The following GNG7 variants were observed in gnomAD, a reference collection of about 807,000 sequenced individuals.
GNG7 encodes G protein subunit gamma 7.
GNG7 carries 1 observed loss-of-function variant against 4.0 expected under a neutral mutation model. The observed-to-expected ratio is 0.25, with a 90% CI of 0.09 to 1.18. The LOEUF (loss-of-function observed/expected upper bound fraction) is 1.18, where lower values mean the gene tolerates loss of function less well. Among genes scored for constraint, GNG7 ranks in the 50% most tolerant of loss-of-function variants. The pLI is 0.50. For synonymous variants in GNG7, 34 were observed against 36.9 expected (o/e 0.92, Z 0.29); for missense variants, 86 against 91.9 (o/e 0.94, Z 0.26).
chr19:2,568,719 CACATACAGACACATAT>C (rs1404563735), intron 2 of GNG7, among the ~76,000 whole-genome samples: 1 of 133,472 alleles, frequency 7.5e-6, no homozygotes, highest in African/African-American at 2.5e-5. Flanking sequence ...CACACATATA[CACATACAGACACATAT>C]ACATACATAC....
chr19:2,675,302 G>A (rs1983566734), intron 1 of GNG7, among the ~76,000 whole-genome samples: 1 of 152,200 alleles, frequency 6.6e-6, no homozygotes, highest in African/African-American at 2.4e-5. Flanking sequence ...AGGAACAGCA[G>A]CAAGTGCACG....
intron 1 of GNG7, among the ~76,000 whole-genome samples, chr19:2,686,463 C>CA (rs1202154852): frequency 6.6e-6 from 1 of 151,626 alleles, no homozygotes; most frequent in African/African-American, 2.4e-5. Context: ...CGGCCTCCCC[C>CA]CTCCTTTTTA....
chr19:2,556,515 G>A (rs888026676), intron 2 of GNG7, among the ~76,000 whole-genome samples: 3 of 152,084 alleles, frequency 2.0e-5, no homozygotes, highest in Non-Finnish European at 2.9e-5. Flanking sequence ...TTTTTCCACC[G>A]ACACAAAGAA....
intron 2 of GNG7, among the ~76,000 whole-genome samples, chr19:2,590,929 C>T (rs1980834938): frequency 6.6e-6 from 1 of 152,118 alleles, no homozygotes; most frequent in Non-Finnish European, 1.5e-5. Context: ...ATCCAACCAT[C>T]CATTTACTCA....
chr19:2,576,022 GACAC>G lies in GNG7; in HGVS notation c.-77-20838_-77-20835del, dbSNP rs1191370746. On this transcript the variant is annotated intron_variant, in intron 2 of 4. Coordinates refer to ENST00000382159, the MANE Select transcript of GNG7 (RefSeq NM_052847.3). The stretch of plus-strand genomic sequence containing the variant: ...ACACTCAGGTACACGCAGACATGCA[GACAC>G]ACACACAGACACACACAGACACATG... 6.7e-5 allele frequency among the ~76,000 whole-genome samples: 5 copies of G among 74,998 alleles called. No homozygotes were observed. In the South Asian group the frequency reaches 9.2e-4, roughly 14 times the overall value. 49.2% of individuals were successfully genotyped at this position (74,998 alleles called of 152,430 possible).
intron 1 of GNG7, among the ~76,000 whole-genome samples, chr19:2,652,028 A>T (rs918059622): frequency 1.3e-5 from 2 of 151,672 alleles, no homozygotes; most frequent in African/African-American, 4.8e-5. Context: ...TACAAAAATT[A>T]GCCAGGTCTG....
At chr19:2,643,213 T>C (rs1185053844) in intron 2 of GNG7, 4 of 429,390 alleles carry the variant, frequency 9.3e-6, no homozygotes, top group Non-Finnish European at 1.8e-5. Flanking sequence ...CTTCCGGCCT[T>C]GCACTGTCCG....
At chr19:2,691,322 T>C (rs904743710) in intron 1 of GNG7, among the ~76,000 whole-genome samples, 1 of 152,104 alleles carries the variant, frequency 6.6e-6, no homozygotes, top group Non-Finnish European at 1.5e-5. Flanking sequence ...GACCAGAGGA[T>C]TGCTTGAGCT....
rs536345388 is a variant in GNG7, at chr19:2,575,685, G to C, written c.-77-20497C>G. Among the ~76,000 whole-genome samples, 249 of 91,728 alleles carry C rather than the reference G, an allele frequency of 2.7e-3. 2 individuals are homozygous for C. The highest frequency in any genetic ancestry group is 0.011 in the African/African-American group (244 of 21,660). 60.2% of individuals were successfully genotyped at this position (91,728 alleles called of 152,430 possible). A position where few individuals can be genotyped will look rare whatever the true frequency, so the allele number is the denominator to read the frequency against. Reference sequence around the variant, plus strand: ...CACGCAGGCACATGCAGACACGCAGGCACACGCAGACACACGCAGACAGGC... The same window carrying C: ...CACGCAGGCACATGCAGACACGCAGCCACACGCAGACACACGCAGACAGGC... On this transcript the variant is annotated intron_variant, in intron 2 of 4. Transcript: ENST00000382159.
intron 1 of GNG7, among the ~76,000 whole-genome samples, chr19:2,651,265 C>T (rs1303274410): frequency 7.8e-6 from 1 of 128,364 alleles, no homozygotes; most frequent in African/African-American, 3.1e-5. Context: ...TCCTTCCTTC[C>T]TTCCTTCCCT....
chr19:2,557,244 T>C lies in GNG7; in HGVS notation c.-77-2056A>G, dbSNP rs1386416330. On this transcript the variant is annotated intron_variant, in intron 2 of 4. Transcript: ENST00000382159. The surrounding 1 kb of genome is among the most constrained non-coding windows in gnomAD (Gnocchi z 5.1). ...ACACATGCACACACAGACGCACATGTGCACACACACGTGCACACACATTTG... is the reference window on the plus strand; with the variant it reads ...ACACATGCACACACAGACGCACATGCGCACACACACGTGCACACACATTTG... 1.3e-5 allele frequency among the ~76,000 whole-genome samples: 2 copies of C among 149,260 alleles called. No homozygotes were observed. Among genetic ancestry groups the C allele is most frequent in the African/African-American group, 2.5e-5 (1 of 40,126 alleles).
chr19:2,552,558 T>C (rs1007832423), intron 3 of GNG7, among the ~76,000 whole-genome samples: 25 of 151,944 alleles, frequency 1.6e-4, no homozygotes, highest in African/African-American at 6.0e-4. Context: ...CTAATTTTTG[T>C]ATTTTTAGTA....
chr19:2,541,429 C>T (rs1017279630), intron 3 of GNG7, among the ~76,000 whole-genome samples: 1 of 143,374 alleles, frequency 7.0e-6, no homozygotes, highest in African/African-American at 2.6e-5. Flanking sequence ...ACAGCGAGAC[C>T]CTGCCTCTAA....
intron 1 of GNG7, among the ~76,000 whole-genome samples, chr19:2,661,355 A>G (rs954883126): frequency 2.0e-5 from 3 of 147,414 alleles, no homozygotes; most frequent in South Asian, 2.2e-4. Flanking sequence ...AAAGAAAGAA[A>G]GAAAGAAATG....
At chr19:2,524,881 CAT>C (rs1978344139) in intron 3 of GNG7, among the ~76,000 whole-genome samples, 1 of 152,274 alleles carries the variant, frequency 6.6e-6, no homozygotes, top group East Asian at 1.9e-4. Context: ...TGGGTGTGTA[CAT>C]GTGTCTGCAT....
intron 3 of GNG7, among the ~76,000 whole-genome samples, chr19:2,527,780 C>G (rs1568232383): frequency 5.3e-5 from 8 of 151,794 alleles, no homozygotes. Flanking sequence ...GGAAACCCCC[C>G]CCCCCACCAG....
At chr19:2,547,683 A>T (rs9304895) in intron 3 of GNG7, among the ~76,000 whole-genome samples, 2 of 152,016 alleles carry the variant, frequency 1.3e-5, no homozygotes, top group Non-Finnish European at 2.9e-5. Flanking sequence ...CATCCCAGAC[A>T]CTGGGTACCA....
chr19:2,570,185 C>T (rs1051220551), intron 2 of GNG7, among the ~76,000 whole-genome samples: 2 of 152,074 alleles, frequency 1.3e-5, no homozygotes, highest in African/African-American at 2.4e-5. Context: ...CCTCTCTGGC[C>T]GTATGAGATG....
At chr19:2,679,442 C>G (rs1983675292) in intron 1 of GNG7, among the ~76,000 whole-genome samples, 1 of 152,168 alleles carries the variant, frequency 6.6e-6, no homozygotes, top group Admixed American at 6.5e-5. Context: ...ATCCAGGTCA[C>G]AGCCTCGTAG....
Sources: allele counts gnomAD v4.1 joint callset (sites outside exome capture counted in the v4.1 genomes callset), GRCh38; gene constraint gnomAD v4.1.1; non-coding constraint Gnocchi (gnomAD v3.1); transcripts MANE v1.5; gene names NCBI Gene and HGNC (gene_info 2026-07-23, HGNC 2026-07-21).